HEMK2: variants seen among roughly 807,000 people sequenced by gnomAD.
The protein encoded by HEMK2 is HemK methyltransferase 2, ETF1 glutamine and histone H4 lysine.
chr21:28,878,921 TTATATTTATATATTATTAAATATA>T, the HEMK2 span, among the ~76,000 whole-genome samples: 2 of 148,156 alleles, frequency 1.3e-5, no homozygotes, highest in African/African-American at 4.9e-5. Flanking sequence ...CATTTATTTA[TTATATTTATATATTATTAAATATA>T]TATATTTATT....
the HEMK2 span, among the ~76,000 whole-genome samples, chr21:28,714,058 G>A: frequency 6.6e-6 from 1 of 152,160 alleles, no homozygotes; most frequent in Non-Finnish European, 1.5e-5. Context: ...AGAATAATAG[G>A]TAACAGTTAT....
chr21:28,849,827 T>A, the HEMK2 span, among the ~76,000 whole-genome samples: 1 of 151,958 alleles, frequency 6.6e-6, no homozygotes, highest in Non-Finnish European at 1.5e-5. Context: ...AAAGAAATAA[T>A]AAAGAAGAAT....
the HEMK2 span, among the ~76,000 whole-genome samples, chr21:28,805,351 G>A: frequency 6.6e-6 from 1 of 152,138 alleles, no homozygotes; most frequent in Non-Finnish European, 1.5e-5. Flanking sequence ...ATAGGCTCTT[G>A]AATTATATTA....
the HEMK2 span, among the ~76,000 whole-genome samples, chr21:28,621,540 G>A: frequency 1.3e-5 from 2 of 152,184 alleles, no homozygotes; most frequent in African/African-American, 4.8e-5. Context: ...TATTTCACCT[G>A]GGTGCAGGCG....
At chr21:28,786,815 TA>T in the HEMK2 span, among the ~76,000 whole-genome samples, 1 of 152,210 alleles carries the variant, frequency 6.6e-6, no homozygotes, top group African/African-American at 2.4e-5. Flanking sequence ...AGTACTTTTT[TA>T]AAAGAATGAA....
At chr21:28,668,141 CA>C in the HEMK2 span, among the ~76,000 whole-genome samples, 2 of 152,092 alleles carry the variant, frequency 1.3e-5, no homozygotes, top group Non-Finnish European at 2.9e-5. Flanking sequence ...TTAGAACAAA[CA>C]TTAAAGATAA....
At chr21:28,852,582 T>C in the HEMK2 span, among the ~76,000 whole-genome samples, 1,354 of 152,186 alleles carry the variant, frequency 8.9e-3, 23 homozygotes, top group African/African-American at 0.031. Flanking sequence ...TGGGAAATGA[T>C]TGGAGAAAGA....
At chr21:28,862,267 T>C in the HEMK2 span, among the ~76,000 whole-genome samples, 1 of 152,198 alleles carries the variant, frequency 6.6e-6, no homozygotes. Context: ...GAATAAAGGT[T>C]TGGGTCACTC....
chr21:28,848,939 G>A, the HEMK2 span, among the ~76,000 whole-genome samples: 20 of 152,242 alleles, frequency 1.3e-4, no homozygotes, highest in East Asian at 3.5e-3. Flanking sequence ...CCACTGGTAT[G>A]AGTGCACGCA....
the HEMK2 span, chr21:28,879,734 A>G: frequency 1.8e-6 from 1 of 562,294 alleles, no homozygotes; most frequent in Non-Finnish European, 2.9e-6. Context: ...ATAGGACTCA[A>G]TTACTGACAA....
At chr21:28,788,533 G>A in the HEMK2 span, among the ~76,000 whole-genome samples, 17 of 152,100 alleles carry the variant, frequency 1.1e-4, no homozygotes, top group Admixed American at 9.8e-4. Flanking sequence ...GGGAAAAATC[G>A]GAGAGGGGCA....
At chr21:28,627,665 A>C in the HEMK2 span, among the ~76,000 whole-genome samples, 1 of 152,224 alleles carries the variant, frequency 6.6e-6, no homozygotes, top group Non-Finnish European at 1.5e-5. Flanking sequence ...GCAGGAGAAT[A>C]GGATCTGGAG....
At chr21:28,663,622 G>T in the HEMK2 span, among the ~76,000 whole-genome samples, 1 of 152,182 alleles carries the variant, frequency 6.6e-6, no homozygotes, top group Admixed American at 6.6e-5. Flanking sequence ...TAATTTTAAT[G>T]CAATGTTGGT....
the HEMK2 span, among the ~76,000 whole-genome samples, chr21:28,716,298 G>T: frequency 6.6e-6 from 1 of 152,012 alleles, no homozygotes; most frequent in African/African-American, 2.4e-5. Context: ...TGTTATCTAT[G>T]ATTTCTTTCA....
chr21:28,692,155 G>A, the HEMK2 span, among the ~76,000 whole-genome samples: 1 of 152,132 alleles, frequency 6.6e-6, no homozygotes, highest in Non-Finnish European at 1.5e-5. Context: ...GTTATTCACA[G>A]TACTGTTGAC....
the HEMK2 span, among the ~76,000 whole-genome samples, chr21:28,866,148 G>GAAAAAA: frequency 0.064 from 1,094 of 17,200 alleles, 271 homozygotes; most frequent in Non-Finnish European, 0.13. Flanking sequence ...TGTCTCTACA[G>GAAAAAA]AAAAAACAAA....
the HEMK2 span, among the ~76,000 whole-genome samples, chr21:28,744,072 C>T: frequency 1.3e-5 from 2 of 151,756 alleles, no homozygotes; most frequent in Admixed American, 6.6e-5. Flanking sequence ...ATAGCAGATA[C>T]TGAGGCCTAC....
At chr21:28,851,874 G>A in the HEMK2 span, among the ~76,000 whole-genome samples, 1 of 152,246 alleles carries the variant, frequency 6.6e-6, no homozygotes, top group Non-Finnish European at 1.5e-5. Context: ...ATTGCTTCTG[G>A]TTGGCCTTAT....
the HEMK2 span, among the ~76,000 whole-genome samples, chr21:28,623,039 G>A: frequency 1.3e-5 from 2 of 152,112 alleles, no homozygotes; most frequent in East Asian, 1.9e-4. Context: ...TCATCAGAGT[G>A]AAGAGGCAAC....
Sources: allele counts gnomAD v4.1 joint callset (sites outside exome capture counted in the v4.1 genomes callset), GRCh38; gene constraint gnomAD v4.1.1; transcripts MANE v1.5; gene names NCBI Gene and HGNC (gene_info 2026-07-23, HGNC 2026-07-21).